The following FRYL variants were observed in gnomAD, a reference collection of about 807,000 sequenced individuals.
FRYL encodes protein furry homolog-like.
A neutral mutation model predicts 351.2 loss-of-function variants in FRYL; 150 were observed. The observed-to-expected ratio is 0.43, with a 90% CI of 0.37 to 0.49. The LOEUF (loss-of-function observed/expected upper bound fraction) is 0.49. Ranked by LOEUF, FRYL falls within the 20% of genes least tolerant of loss-of-function variation. The pLI is 0.00. For missense variants in FRYL, 3,036 were observed against 3,619.3 expected, an observed-to-expected ratio of 0.84 and a Z score of 4.13; for synonymous variants, 1,153 against 1,257.1, an observed-to-expected ratio of 0.92 and a Z score of 1.75.
At position 48,517,827 on chromosome 4, in the gene FRYL, G is replaced by A. The variant is rs368409312; in HGVS notation, c.7690-2552C>T. On this transcript the variant is annotated intron_variant, in intron 55 of 63. Coordinates refer to ENST00000358350, the MANE Select transcript of FRYL (RefSeq NM_015030.2). ...GAAATTCAAATAAACATTTTTAGGA[G>A]TGGATTTATTCCTTTAATTCACAAA... Among the ~76,000 whole-genome samples, 20 of 152,286 alleles carry A rather than the reference G, an allele frequency of 1.3e-4. 1 individual carries two copies. The East Asian group carries it at 3.7e-3, about 28-fold the overall frequency.
rs1719208880 is a variant in FRYL at position 48,500,048 on chromosome 4, G to A, written c.8765C>T (p.Ala2922Val). 6.3e-7 allele frequency: 1 copy of A among 1,592,458 alleles called. No homozygotes were observed. The highest frequency in any genetic ancestry group is 1.2e-5 in the South Asian group (1 of 85,698). Reference protein sequence around the residue: ...LKNKEFISAVAQVKAFRSLWP... With the variant: ...LKNKEFISAVVQVKAFRSLWP... ...GTTTTACCTGAAAGCTTTGACTTGT[G>A]CTACAGCTGATATAAATTCTTTATT... The change falls in exon 63 of 64, where the codon GCA becomes GTA. Residue 2922 changes from alanine (A) to valine (V), a missense_variant. By Grantham distance (64) the Ala-to-Val change is moderately conservative. This residue lies in a region of FRYL where 1,987 missense variants were observed against 2,311.7 expected (regional missense o/e 0.86). Coordinates refer to ENST00000358350, the MANE Select transcript of FRYL (RefSeq NM_015030.2).
At chr4:48,589,613 G>T (rs1306840839) in intron 18 of FRYL, 132 bp downstream of exon 18, 3 of 788,944 alleles carry the variant, frequency 3.8e-6, no homozygotes, top group Non-Finnish European at 6.1e-6. Context: ...AGGAATCACT[G>T]TATTGAAAAC....
At chr4:48,708,042 G>C (rs997506762) in intron 2 of FRYL, among the ~76,000 whole-genome samples, 1 of 151,794 alleles carries the variant, frequency 6.6e-6, no homozygotes, top group Non-Finnish European at 1.5e-5. Flanking sequence ...GGATGATCTC[G>C]ATCTTCTGAC....
At chr4:48,771,688 G>A (rs1412958041) in intron 1 of FRYL, among the ~76,000 whole-genome samples, 4 of 152,074 alleles carry the variant, frequency 2.6e-5, no homozygotes, top group Admixed American at 2.6e-4. Context: ...CAGAAAAAAA[G>A]CACGAGTCCT....
Position 48,510,947 on chromosome 4 carries a change from G to A in FRYL, c.8183C>T (p.Ala2728Val), listed in dbSNP as rs1241791292. ...CAGACTATCACCAAGAAAGCTGACT[G>A]CCTCATTAGTTATTTCTCCAAACTT... ...QRKFGEITNE[A>V]VSFLGDSLQR... The change falls in exon 58 of 64, where the codon GCA becomes GTA. Residue 2728 changes from alanine to valine, a missense_variant. Ala to Val is a moderately conservative substitution (Grantham distance 64). Around this residue, in one of 7 missense-constraint regions of FRYL, gnomAD observed 1,987 missense variants for 2,311.7 expected, o/e 0.86. Transcript: ENST00000358350. 1 of 1,611,846 alleles carries A rather than the reference G, an allele frequency of 6.2e-7. No individual in the cohort carries two copies. The highest frequency in any genetic ancestry group is 1.3e-5 in the African/African-American group (1 of 74,802).
At chr4:48,769,165 A>G (rs1382599276) in intron 1 of FRYL, among the ~76,000 whole-genome samples, 1 of 152,208 alleles carries the variant, frequency 6.6e-6, no homozygotes, top group Admixed American at 6.5e-5. Context: ...GACTATACGA[A>G]AAGGCAAACG....
chr4:48,616,431 G>A (rs1459021432), intron 7 of FRYL, among the ~76,000 whole-genome samples: 5 of 152,084 alleles, frequency 3.3e-5, no homozygotes, highest in South Asian at 2.1e-4. Flanking sequence ...TGCATTAGGC[G>A]TTATTATATT....
intron 1 of FRYL, among the ~76,000 whole-genome samples, chr4:48,766,965 T>TA (rs1775014591): frequency 6.7e-6 from 1 of 148,198 alleles, no homozygotes; most frequent in South Asian, 2.1e-4. Flanking sequence ...GATGAATGGA[T>TA]AAAAAATCAT....
rs1736464390 is a variant in FRYL at position 48,565,087 on chromosome 4, GT to G, written c.3331-45del. 5.2e-6 allele frequency: 6 copies of G among 1,149,908 alleles called. No homozygotes were observed. The East Asian group carries it at 1.6e-4, about 30-fold the overall frequency. The allele number at this position is 1,149,908 out of a possible 1,614,324, so 71.2% of individuals were successfully genotyped here. ...GAATTACATTTAACAAATTTAAGAG[GT>G]TAAATGTTGGTTGCTTAATGAGAAG... On this transcript the variant is annotated intron_variant, in intron 29 of 63. Coordinates refer to ENST00000358350, the MANE Select transcript of FRYL (RefSeq NM_015030.2).
chr4:48,595,968 C>T lies in FRYL; in HGVS notation c.1068G>A (p.Leu356=). Residue 356 remains leucine (L), a synonymous_variant, in exon 14 of 64, where the codon CTG becomes CTA. Coordinates refer to ENST00000358350, the MANE Select transcript of FRYL (RefSeq NM_015030.2). ...NKDPKMSRVA[L]ESLYRLLWVY... is the part of the protein sequence containing the mutation. ...CCCACAATAATCTATACAAAGATTC[C>T]AGTGCAACTCGAGACATTTTCGGAT... 6.2e-7 allele frequency: 1 copy of T among 1,602,624 alleles called. No homozygotes were observed. Among genetic ancestry groups the T allele is most frequent in the Non-Finnish European group, 8.5e-7 (1 of 1,176,258 alleles).
At chr4:48,739,642 C>G (rs1453845760) in intron 1 of FRYL, among the ~76,000 whole-genome samples, 1 of 152,010 alleles carries the variant, frequency 6.6e-6, no homozygotes, top group Non-Finnish European at 1.5e-5. Context: ...AGGAGCAACT[C>G]TAGCTGACCT....
At chr4:48,610,160 A>G (rs1747753144) in intron 7 of FRYL, among the ~76,000 whole-genome samples, 1 of 152,186 alleles carries the variant, frequency 6.6e-6, no homozygotes, top group Admixed American at 6.5e-5. Context: ...CTTACAGAAA[A>G]GCACCTTTGT....
chr4:48,581,007 C>A, intron 21 of FRYL, 56 bp from the exon 22 acceptor site: 1 of 1,106,932 alleles, frequency 9.0e-7, no homozygotes, highest in African/African-American at 1.6e-5. Context: ...GCAAAGTAGC[C>A]AAACCCAAGT....
intron 1 of FRYL, among the ~76,000 whole-genome samples, chr4:48,765,321 A>G (rs2109389541): frequency 6.6e-6 from 1 of 152,344 alleles, no homozygotes; most frequent in South Asian, 2.1e-4. Context: ...CCAATAGAAC[A>G]AAATAGAGAG....
intron 1 of FRYL, among the ~76,000 whole-genome samples, chr4:48,736,814 C>T (rs553779616): frequency 7.3e-4 from 101 of 138,810 alleles, no homozygotes; most frequent in Non-Finnish European, 1.2e-3. Flanking sequence ...CGCACCACTG[C>T]ACTCCGGCCT....
chr4:48,711,893 C>G (rs1768097959), intron 1 of FRYL, among the ~76,000 whole-genome samples: 1 of 152,192 alleles, frequency 6.6e-6, no homozygotes, highest in Non-Finnish European at 1.5e-5. Context: ...GATCAGACAG[C>G]AGCATTTGCG....
At chr4:48,596,618 G>T (rs560269013) in intron 13 of FRYL, among the ~76,000 whole-genome samples, 1 of 152,112 alleles carries the variant, frequency 6.6e-6, no homozygotes, top group East Asian at 1.9e-4. Flanking sequence ...TACCTCAGAG[G>T]TAAAGTTAAT....
At chr4:48,759,564 T>C (rs189782600) in intron 1 of FRYL, among the ~76,000 whole-genome samples, 2 of 152,308 alleles carry the variant, frequency 1.3e-5, no homozygotes, top group Non-Finnish European at 2.9e-5. Flanking sequence ...TTCTTGGCTT[T>C]AGAAGTTTAG....
Position 48,531,347 on chromosome 4 carries a change from A to C in FRYL, c.6712T>G (p.Tyr2238Asp), listed in dbSNP as rs371701776. 5.6e-5 allele frequency: 90 copies of C among 1,611,200 alleles called. No homozygotes were observed. Among genetic ancestry groups the C allele is most frequent in the Non-Finnish European group, 1.2e-5 (14 of 1,178,226 alleles). Reference sequence around the variant, plus strand: ...AATATGTTAAGGGCTTCCTTCCAGTAAGGACTCTGGTTTAAAAAATAATTG... The same window carrying C: ...AATATGTTAAGGGCTTCCTTCCAGTCAGGACTCTGGTTTAAAAAATAATTG... ...KIIGKYVQSP[Y>D]WKEALNILKL... Residue 2238 changes from tyrosine to aspartate, a missense_variant, in exon 50 of 64, where the codon TAC becomes GAC. By Grantham distance (160) the Tyr-to-Asp change is radical (BLOSUM62 -3). Coordinates refer to ENST00000358350, the MANE Select transcript of FRYL (RefSeq NM_015030.2).
Sources: gnomAD v4.1 joint callset for allele counts (sites outside exome capture counted in the v4.1 genomes callset) on GRCh38, gnomAD v4.1.1 for gene constraint, gnomAD v4.1.1 regional missense constraint, MANE v1.5 for transcripts, NCBI Gene and HGNC (gene_info 2026-07-23, HGNC 2026-07-21) for gene names.